Variants in RBMS1 observed in about 807,000 individuals in gnomAD.
The protein encoded by RBMS1 is RNA-binding motif, single-stranded-interacting protein 1.
RBMS1 carries 17 observed loss-of-function variants against 62.3 expected under a neutral mutation model. That is an observed-to-expected ratio of 0.27 (90% CI 0.19 to 0.41). The LOEUF (loss-of-function observed/expected upper bound fraction) is 0.41. Ranked by LOEUF, RBMS1 falls within the 10% of genes least tolerant of loss-of-function variation. RBMS1 has a pLI of 1.00. For missense variants in RBMS1, 334 were observed against 504.5 expected (o/e 0.66, Z 3.24); for synonymous variants, 172 against 170.0 (o/e 1.01, Z -0.09).
chr2:160,321,047 G>C (rs965806623), intron 2 of RBMS1, among the ~76,000 whole-genome samples: 2 of 152,010 alleles, frequency 1.3e-5, no homozygotes, highest in African/African-American at 4.8e-5. Context: ...CAGAAGAAAG[G>C]CTCATTTAGG....
intron 1 of RBMS1, among the ~76,000 whole-genome samples, chr2:160,410,985 G>A (rs1465623406): frequency 6.6e-6 from 1 of 152,070 alleles, no homozygotes; most frequent in Non-Finnish European, 1.5e-5. Context: ...CTCGTGATCC[G>A]CCCATCTCGG....
At chr2:160,372,723 G>A (rs1186705278) in intron 1 of RBMS1, among the ~76,000 whole-genome samples, 4 of 152,314 alleles carry the variant, frequency 2.6e-5, no homozygotes, top group Middle Eastern at 3.4e-3. Context: ...GTGACTGAGA[G>A]AGGGCTGGGA....
intron 4 of RBMS1, among the ~76,000 whole-genome samples, chr2:160,311,232 C>CTATCTATCTATCTATATATATA (rs1381483574): frequency 2.5e-5 from 2 of 79,252 alleles, no homozygotes; most frequent in African/African-American, 4.4e-5. Context: ...ATCTATCTAT[C>CTATCTATCTATCTATATATATA]TATATATATA....
chr2:160,282,278 CTTG>C, intron 9 of RBMS1: 1 of 1,367,916 alleles, frequency 7.3e-7, no homozygotes, highest in Non-Finnish European at 9.8e-7. Context: ...AGCCCCGATA[CTTG>C]TTTTCTCTGG....
At chr2:160,402,564 TCTG>T (rs1289714764) in intron 1 of RBMS1, among the ~76,000 whole-genome samples, 1 of 152,228 alleles carries the variant, frequency 6.6e-6, no homozygotes, top group Non-Finnish European at 1.5e-5. Context: ...TAGTATGTCA[TCTG>T]TGAAAGCCTT....
rs1043245226 is a variant in RBMS1 at position 160,394,652 on chromosome 2, G to A, written c.76-27261C>T. On this transcript the variant is annotated intron_variant, in intron 1 of 13. Coordinates refer to ENST00000348849, the MANE Select transcript of RBMS1 (RefSeq NM_016836.4). ...TGGCAGATACTAGTTTATTTTGCCT[G>A]AAGTTAACATGCAACTTACTATTGC... 9.2e-5 allele frequency among the ~76,000 whole-genome samples: 14 copies of A among 152,296 alleles called. No individual in the cohort carries two copies. The South Asian group carries it at 1.7e-3, about 18-fold the overall frequency.
intron 1 of RBMS1, among the ~76,000 whole-genome samples, chr2:160,473,716 A>G (rs1032966895): frequency 1.3e-5 from 2 of 152,242 alleles, no homozygotes; most frequent in African/African-American, 4.8e-5. Context: ...ATAAAATACC[A>G]GAACAGTCTG....
intron 2 of RBMS1, among the ~76,000 whole-genome samples, chr2:160,362,605 C>A (rs1693189672): frequency 6.6e-6 from 1 of 152,072 alleles, no homozygotes; most frequent in African/African-American, 2.4e-5. Flanking sequence ...AAACAATGAA[C>A]ATTAAAGATC....
At position 160,438,341 on chromosome 2, in the gene RBMS1, A is replaced by G. The variant is rs1283922941; in HGVS notation, c.75+54948T>C. On this transcript the variant is annotated intron_variant, in intron 1 of 13. Transcript: ENST00000348849. ...TGGCAGGGTCACAGGACAATAGTGG[A>G]GGGAAGGTCAGCAGATAAACAAGTG... Among the ~76,000 whole-genome samples the G allele has an allele frequency of 2.7e-5, 4 of 149,316 alleles. No individual in the cohort carries two copies. The South Asian group carries it at 8.5e-4, about 32-fold the overall frequency.
intron 1 of RBMS1, among the ~76,000 whole-genome samples, chr2:160,439,314 C>G (rs1198784580): frequency 6.7e-6 from 1 of 149,772 alleles, no homozygotes; most frequent in Non-Finnish European, 1.5e-5. Flanking sequence ...GGCTGCCGGG[C>G]GGAAGGGCTC....
At position 160,406,661 on chromosome 2, in the gene RBMS1, G is replaced by C. The variant is rs186865086; in HGVS notation, c.76-39270C>G. On this transcript the variant is annotated intron_variant, in intron 1 of 13. Coordinates refer to ENST00000348849, the MANE Select transcript of RBMS1 (RefSeq NM_016836.4). ...GCTACGTTTTGTTATTGCTGCTGCTGAAAGGCTCTGTGAGATGTATCACAA... is the reference window on the plus strand; with the variant it reads ...GCTACGTTTTGTTATTGCTGCTGCTCAAAGGCTCTGTGAGATGTATCACAA... Among the ~76,000 whole-genome samples the C allele has an allele frequency of 2.5e-3, 378 of 152,294 alleles. 3 individuals carry two copies. Among genetic ancestry groups the C allele is most frequent in the Admixed American group, 5.0e-3 (77 of 15,290 alleles).
chr2:160,459,977 T>C (rs1684395508), intron 1 of RBMS1, among the ~76,000 whole-genome samples: 1 of 152,222 alleles, frequency 6.6e-6, no homozygotes, highest in Non-Finnish European at 1.5e-5. Context: ...ACCAGCATCA[T>C]TAATTGGGGA....
At chr2:160,277,227 T>A in intron 12 of RBMS1, 76 bp downstream of exon 12, 2 of 1,322,452 alleles carry the variant, frequency 1.5e-6, no homozygotes, top group Non-Finnish European at 2.2e-6. Flanking sequence ...CTGGTAGATT[T>A]TTCTGAGTTC....
intron 4 of RBMS1, among the ~76,000 whole-genome samples, chr2:160,308,328 G>A (rs1013280489): frequency 2.0e-5 from 3 of 152,010 alleles, no homozygotes; most frequent in African/African-American, 4.8e-5. Flanking sequence ...CCTGGGAGGC[G>A]GAGGTTGCAG....
intron 9 of RBMS1, chr2:160,284,281 T>G (rs1294963442): frequency 1.3e-5 from 2 of 154,068 alleles, no homozygotes; most frequent in African/African-American, 2.4e-5. Flanking sequence ...GGAAGTCACC[T>G]TTTTGCTTTT....
At chr2:160,407,577 G>A in intron 1 of RBMS1, 1 of 983,516 alleles carries the variant, frequency 1.0e-6, no homozygotes, top group Non-Finnish European at 1.2e-6. Flanking sequence ...CGCGGGCGCG[G>A]GGCAGCCTCG....
At chr2:160,353,177 T>C (rs185208782) in intron 2 of RBMS1, among the ~76,000 whole-genome samples, 1 of 152,238 alleles carries the variant, frequency 6.6e-6, no homozygotes, top group Admixed American at 6.5e-5. Flanking sequence ...AGTTTATAAA[T>C]GTAAATTTGT....
intron 1 of RBMS1, among the ~76,000 whole-genome samples, chr2:160,443,897 T>C (rs1240361298): frequency 6.6e-6 from 1 of 152,212 alleles, no homozygotes; most frequent in African/African-American, 2.4e-5. Flanking sequence ...GTACTTGTAG[T>C]ACTTGTACTT....
At chr2:160,297,851 G>A (rs1214504005) in intron 6 of RBMS1, among the ~76,000 whole-genome samples, 1 of 152,216 alleles carries the variant, frequency 6.6e-6, no homozygotes, top group African/African-American at 2.4e-5. Context: ...AGAGGATGGA[G>A]GGAGACAGGA....
Sources: gnomAD v4.1 joint callset for allele counts (sites outside exome capture counted in the v4.1 genomes callset) on GRCh38, gnomAD v4.1.1 for gene constraint, MANE v1.5 for transcripts, NCBI Gene and HGNC (gene_info 2026-07-23, HGNC 2026-07-21) for gene names.